The following GIGYF2 variants were observed in gnomAD, a reference collection of about 807,000 sequenced individuals.
GIGYF2 encodes GRB10 interacting GYF protein 2.
Under a neutral mutation model 208.1 loss-of-function variants are expected in GIGYF2, and 25 were observed. That is an observed-to-expected ratio of 0.12 (90% CI 0.09 to 0.17). GIGYF2 has a LOEUF of 0.17. Ranked by LOEUF, GIGYF2 falls within the 10% of genes least tolerant of loss-of-function variation. GIGYF2 has a pLI of 1.00. For missense variants in GIGYF2, 1,302 were observed against 1,579.4 expected (o/e 0.82, Z 2.98); for synonymous variants, 534 against 543.8 (o/e 0.98, Z 0.25).
chr2:232,727,613 G>T (rs1697262618), intron 2 of GIGYF2, among the ~76,000 whole-genome samples: 1 of 152,190 alleles, frequency 6.6e-6, no homozygotes, highest in Non-Finnish European at 1.5e-5. Context: ...ACTAGAGTCA[G>T]TGAATTTGAG....
chr2:232,800,522 A>G (rs1371893313), intron 14 of GIGYF2, among the ~76,000 whole-genome samples: 2 of 150,920 alleles, frequency 1.3e-5, no homozygotes, highest in Admixed American at 6.6e-5. Context: ...TGATTACTCT[A>G]TCTTTGCAAT....
chr2:232,801,576 A>G (rs1035703618), intron 14 of GIGYF2, among the ~76,000 whole-genome samples: 16 of 152,246 alleles, frequency 1.1e-4, no homozygotes, highest in African/African-American at 3.6e-4. Context: ...AAATACGCAT[A>G]CATATTATGG....
intron 14 of GIGYF2, among the ~76,000 whole-genome samples, chr2:232,797,489 T>TG (rs148403782): frequency 6.9e-6 from 1 of 144,994 alleles, no homozygotes; most frequent in Non-Finnish European, 1.5e-5. Context: ...AGAGCAGGGC[T>TG]TGTGTGTGTG....
At chr2:232,771,557 A>G (rs1185591867) in intron 8 of GIGYF2, 1 of 523,304 alleles carries the variant, frequency 1.9e-6, no homozygotes, top group Non-Finnish European at 3.4e-6. Flanking sequence ...TTGGGAGCTA[A>G]TTGTGTGTTA....
chr2:232,836,770 C>G (rs931999526), intron 22 of GIGYF2, among the ~76,000 whole-genome samples: 1 of 152,056 alleles, frequency 6.6e-6, no homozygotes, highest in Admixed American at 6.5e-5. Context: ...TCCTATGAAT[C>G]TACCAGTCTC....
intron 22 of GIGYF2, among the ~76,000 whole-genome samples, chr2:232,833,447 G>A (rs560040481): frequency 6.6e-6 from 1 of 152,292 alleles, no homozygotes; most frequent in East Asian, 1.9e-4. Flanking sequence ...GGGATTACAG[G>A]TGTGAGCCAC....
At chr2:232,714,423 T>TA in intron 2 of GIGYF2, among the ~76,000 whole-genome samples, 1 of 152,272 alleles carries the variant, frequency 6.6e-6, no homozygotes, top group African/African-American at 2.4e-5. Context: ...TAATTTAACA[T>TA]AAAAAATATT....
chr2:232,740,274 A>AGTT (rs1398964073), intron 3 of GIGYF2, among the ~76,000 whole-genome samples: 9 of 152,206 alleles, frequency 5.9e-5, no homozygotes, highest in Non-Finnish European at 1.5e-5. Flanking sequence ...CTGGGACAAC[A>AGTT]TAGTGAGAAC....
At chr2:232,839,462 A>G (rs1446087058) in intron 22 of GIGYF2, among the ~76,000 whole-genome samples, 2 of 152,186 alleles carry the variant, frequency 1.3e-5, no homozygotes, top group African/African-American at 4.8e-5. Context: ...GCAGCATATC[A>G]TGTCCTTTGT....
intron 18 of GIGYF2, among the ~76,000 whole-genome samples, chr2:232,815,296 C>T (rs1222941684): frequency 6.6e-6 from 1 of 152,166 alleles, no homozygotes; most frequent in Non-Finnish European, 1.5e-5. Context: ...CTGGCATGAC[C>T]ACATGCTTGC....
At position 232,747,621 on chromosome 2, in the gene GIGYF2, A is replaced by G. The variant is rs767403818; in HGVS notation, c.48A>G (p.Arg16=). Residue 16 remains arginine (R), a synonymous_variant, in exon 4 of 29, where the codon CGA becomes CGG. Coordinates refer to ENST00000373563, the MANE Select transcript of GIGYF2 (RefSeq NM_001103146.3). The part of the protein sequence containing the change: ...QTLNFGPEWL[R]ALSSGGSITS... ...TCTGTCTTTTCTATTCTAGGCTCCG[A>G]GCTCTGTCCAGTGGTGGGAGTATTA... The G allele has an allele frequency of 9.9e-6, 16 of 1,613,952 alleles. No homozygotes were observed. The highest frequency in any genetic ancestry group is 6.7e-5 in the East Asian group (3 of 44,880).
intron 3 of GIGYF2, among the ~76,000 whole-genome samples, chr2:232,745,957 A>C (rs1474737051): frequency 6.6e-6 from 1 of 152,116 alleles, no homozygotes; most frequent in Non-Finnish European, 1.5e-5. Flanking sequence ...CAAAACCCAG[A>C]CTTTAAAAAA....
At chr2:232,808,574 C>T (rs1700629117) in intron 15 of GIGYF2, among the ~76,000 whole-genome samples, 1 of 152,132 alleles carries the variant, frequency 6.6e-6, no homozygotes, top group South Asian at 2.1e-4. Flanking sequence ...CCTCCAGTAT[C>T]GAAAAGCAAG....
chr2:232,846,545 GAAAAA>G (rs769661840), intron 26 of GIGYF2, among the ~76,000 whole-genome samples: 7 of 152,144 alleles, frequency 4.6e-5, no homozygotes, highest in Non-Finnish European at 1.0e-4. Context: ...AAGAAACTGT[GAAAAA>G]TAGCAGTAAA....
chr2:232,723,839 T>C lies in GIGYF2; in HGVS notation c.-43-11316T>C, dbSNP rs186528021. Among the ~76,000 whole-genome samples, 4 of 151,292 alleles carry C rather than the reference T, an allele frequency of 2.6e-5. No homozygotes were observed. The East Asian group carries it at 7.8e-4, about 30-fold the overall frequency. ...CCTCCGCCTCCCGGGTTCAAGTGAT[T>C]CTCCTGCCTCAGCCTCCTGAGTAGC... is the stretch of plus-strand genomic sequence containing the variant. On this transcript the variant is annotated intron_variant, in intron 2 of 28. Transcript: ENST00000373563.
chr2:232,856,880 C>T lies in GIGYF2; in HGVS notation c.*20C>T. On this transcript the variant is annotated 3_prime_UTR_variant, in exon 29 of 29. Transcript: ENST00000373563. ...TACTGAGCACCTGCCAGTGGACTGGCCATCCCTCTCCTGTCTGCCGACTAT... is the reference window on the plus strand; with the variant it reads ...TACTGAGCACCTGCCAGTGGACTGGTCATCCCTCTCCTGTCTGCCGACTAT... 6.4e-7 allele frequency: 1 copy of T among 1,551,434 alleles called. No individual in the cohort carries two copies.
intron 25 of GIGYF2, among the ~76,000 whole-genome samples, chr2:232,844,979 T>TTTA (rs1701951641): frequency 6.6e-6 from 1 of 152,216 alleles, no homozygotes; most frequent in African/African-American, 2.4e-5. Context: ...CTTAAACCTA[T>TTTA]TTATTTTTAT....
chr2:232,792,147 G>A (rs1447628644), intron 12 of GIGYF2, among the ~76,000 whole-genome samples: 2 of 152,000 alleles, frequency 1.3e-5, no homozygotes, highest in Admixed American at 6.6e-5. Flanking sequence ...CTTCCCTCAC[G>A]TTCTACTTAC....
chr2:232,752,160 A>G (rs989709278), intron 5 of GIGYF2, among the ~76,000 whole-genome samples: 2 of 152,122 alleles, frequency 1.3e-5, no homozygotes, highest in Admixed American at 6.5e-5. Context: ...TCATTTACCA[A>G]ATATGTTGGA....
Sources: allele counts gnomAD v4.1 joint callset (sites outside exome capture counted in the v4.1 genomes callset), GRCh38; gene constraint gnomAD v4.1.1; transcripts MANE v1.5; gene names NCBI Gene and HGNC (gene_info 2026-07-23, HGNC 2026-07-21).